Variants in CEP70 observed in about 807,000 individuals in gnomAD.
CEP70 encodes centrosomal protein of 70 kDa.
A neutral mutation model predicts 90.9 loss-of-function variants in CEP70; 70 were observed. That is an observed-to-expected ratio of 0.77 (90% CI 0.64 to 0.94). The LOEUF (loss-of-function observed/expected upper bound fraction) is 0.94, where lower values mean the gene tolerates loss of function less well. Among genes scored for constraint, CEP70 ranks in the 40% least tolerant of loss-of-function variants. The pLI is 0.00. For synonymous variants in CEP70, 220 were observed against 228.3 expected, an observed-to-expected ratio of 0.96 and a Z score of 0.33; for missense variants, 648 against 669.0, an observed-to-expected ratio of 0.97 and a Z score of 0.35.
chr3:138,592,023 G>A, intron 1 of CEP70, 67 bp from the exon 2 acceptor site: 2 of 590,168 alleles, frequency 3.4e-6, no homozygotes, highest in Non-Finnish European at 5.8e-6. Context: ...GAATGGTCTT[G>A]TGTTACTCCC....
intron 13 of CEP70, 122 bp from the exon 14 acceptor site, chr3:138,501,003 C>T: frequency 2.9e-6 from 1 of 339,074 alleles, no homozygotes; most frequent in Non-Finnish European, 4.9e-6. Context: ...ATTAATAAAA[C>T]ATAATTACAC....
intron 2 of CEP70, among the ~76,000 whole-genome samples, chr3:138,590,037 C>T (rs374207415): frequency 4.0e-5 from 6 of 151,432 alleles, no homozygotes; most frequent in African/African-American, 1.5e-4. Flanking sequence ...AAAAGCAGAA[C>T]ATGAAATGGC....
At chr3:138,517,798 C>G (rs1044520366) in intron 11 of CEP70, among the ~76,000 whole-genome samples, 1 of 152,218 alleles carries the variant, frequency 6.6e-6, no homozygotes, top group African/African-American at 2.4e-5. Flanking sequence ...AACTGAGGTA[C>G]GAGGTTCATC....
chr3:138,569,685 T>C (rs1293125723), intron 6 of CEP70, among the ~76,000 whole-genome samples: 1 of 152,042 alleles, frequency 6.6e-6, no homozygotes, highest in Non-Finnish European at 1.5e-5. Context: ...CTAGGTAACA[T>C]GGCAAAAGCC....
At chr3:138,505,843 T>G (rs1218518732) in intron 12 of CEP70, among the ~76,000 whole-genome samples, 1 of 152,174 alleles carries the variant, frequency 6.6e-6, no homozygotes, top group Non-Finnish European at 1.5e-5. Context: ...CTTTGAATCA[T>G]TGGATGAGGC....
chr3:138,535,921 G>GT (rs968245179), intron 7 of CEP70, among the ~76,000 whole-genome samples: 3 of 151,096 alleles, frequency 2.0e-5, no homozygotes, highest in Admixed American at 6.6e-5. Context: ...ACATTTTTAT[G>GT]TTTTTTTATG....
intron 6 of CEP70, among the ~76,000 whole-genome samples, chr3:138,566,464 G>A (rs1336203451): frequency 6.6e-6 from 1 of 152,162 alleles, no homozygotes; most frequent in African/African-American, 2.4e-5. Context: ...AGAAAATGTG[G>A]CACATATACA....
In CEP70 at chr3:138,570,327, T is replaced by G; in HGVS notation, c.456A>C (p.Lys152Asn). 6.3e-7 allele frequency: 1 copy of G among 1,578,732 alleles called. No individual in the cohort carries two copies. Among genetic ancestry groups the G allele is most frequent in the Non-Finnish European group, 8.6e-7 (1 of 1,166,940 alleles). Residue 152 changes from lysine to asparagine, a missense_variant, in exon 6 of 18, where the codon AAA becomes AAC. Coordinates refer to ENST00000264982, the MANE Select transcript of CEP70 (RefSeq NM_024491.4). The stretch of plus-strand genomic sequence containing the variant: ...ATTCATAACTCAGTACCTGTAAAGT[T>G]TTCTGCTCCTTTTGAAGATCTTTTA... ...NKIKDLQKEQKTLQVKCQHYK... is the reference protein window; with the variant it reads ...NKIKDLQKEQNTLQVKCQHYK...
At chr3:138,496,055 G>A (rs930274152) in intron 17 of CEP70, 338 of 985,154 alleles carry the variant, frequency 3.4e-4, no homozygotes, top group Non-Finnish European at 3.8e-4. Flanking sequence ...TTCACTCTCT[G>A]AAGCTCCTGG....
At chr3:138,497,411 C>A in intron 17 of CEP70, 6 of 1,139,674 alleles carry the variant, frequency 5.3e-6, no homozygotes, top group Non-Finnish European at 4.4e-6. Flanking sequence ...CTTTAAAAAT[C>A]ATTCTTAATA....
chr3:138,592,559 TCGGGGGG>T (rs2042434045), intron 1 of CEP70, among the ~76,000 whole-genome samples: 1 of 143,544 alleles, frequency 7.0e-6, no homozygotes. Context: ...GGGGTAGGAG[TCGGGGGG>T]TAGGAGTCGG....
chr3:138,550,773 T>G (rs2039558008), intron 6 of CEP70, among the ~76,000 whole-genome samples: 1 of 152,162 alleles, frequency 6.6e-6, no homozygotes, highest in Non-Finnish European at 1.5e-5. Context: ...AAGAAAGAAC[T>G]TCAGAGCCTG....
rs1421297074 is a variant in CEP70 at position 138,498,041 on chromosome 3, A to C, written c.1722T>G (p.Leu574=). Residue 574 remains leucine (L), a synonymous_variant, in exon 17 of 18, where the codon CTT becomes CTG. Transcript: ENST00000264982. The part of the protein sequence containing the change: ...PAFQAFTNDL[L]EILEIDDLDA... The stretch of plus-strand genomic sequence containing the variant: ...CACCAGAGATCTTACCTAAGATTTC[A>C]AGTAGATCATTAGTAAATGCCTGAA... 2.5e-6 allele frequency: 4 copies of C among 1,612,968 alleles called. No homozygotes were observed. Among genetic ancestry groups the C allele is most frequent in the Non-Finnish European group, 3.4e-6 (4 of 1,179,442 alleles).
intron 2 of CEP70, among the ~76,000 whole-genome samples, chr3:138,578,326 A>G (rs1446096705): frequency 2.0e-5 from 3 of 152,238 alleles, no homozygotes; most frequent in Non-Finnish European, 4.4e-5. Context: ...GCTGGAAGAA[A>G]AAAAAGCTAC....
intron 11 of CEP70, among the ~76,000 whole-genome samples, chr3:138,517,647 C>T (rs1003150382): frequency 7.2e-5 from 11 of 152,208 alleles, no homozygotes; most frequent in Middle Eastern, 3.4e-3. Flanking sequence ...CCAGCATGGG[C>T]GACAGAGCAA....
chr3:138,575,393 A>G (rs111494630), intron 2 of CEP70, among the ~76,000 whole-genome samples: 63 of 152,310 alleles, frequency 4.1e-4, no homozygotes, highest in African/African-American at 1.5e-3. Flanking sequence ...CGAGAAGAGA[A>G]GTTTAGAGAA....
chr3:138,579,380 A>C (rs1316944469), intron 2 of CEP70, among the ~76,000 whole-genome samples: 2 of 152,060 alleles, frequency 1.3e-5, no homozygotes, highest in Non-Finnish European at 2.9e-5. Flanking sequence ...GACAACAGCC[A>C]GGGCAACTAA....
intron 6 of CEP70, among the ~76,000 whole-genome samples, chr3:138,553,173 T>C (rs2039741852): frequency 6.6e-6 from 1 of 151,520 alleles, no homozygotes; most frequent in African/African-American, 2.4e-5. Flanking sequence ...GAGAACGAAA[T>C]ACTGCCTTCA....
intron 12 of CEP70, among the ~76,000 whole-genome samples, chr3:138,507,236 A>G (rs558027642): frequency 2.8e-4 from 42 of 152,338 alleles, no homozygotes; most frequent in African/African-American, 4.3e-4. Flanking sequence ...GAAATATGCA[A>G]GAGCTAAATT....
Sources: allele counts gnomAD v4.1 joint callset (sites outside exome capture counted in the v4.1 genomes callset), GRCh38; gene constraint gnomAD v4.1.1; transcripts MANE v1.5; gene names NCBI Gene and HGNC (gene_info 2026-07-23, HGNC 2026-07-21).